Variants in PLS1 observed in about 807,000 individuals in gnomAD.
PLS1 encodes the protein plastin 1.
Under a neutral mutation model 73.7 loss-of-function variants are expected in PLS1, and 32 were observed. The observed-to-expected ratio is 0.43, with a 90% CI of 0.33 to 0.58. The LOEUF (loss-of-function observed/expected upper bound fraction) is 0.58, where lower values mean the gene tolerates loss of function less well. Among genes scored for constraint, PLS1 ranks in the 20% least tolerant of loss-of-function variants. The pLI is 0.04. For missense variants in PLS1, 633 were observed against 740.5 expected (o/e 0.85, Z 1.68); for synonymous variants, 217 against 261.3 (o/e 0.83, Z 1.63).
chr3:142,631,664 GAAAAAAAAAA>G (rs71153981), intron 1 of PLS1, among the ~76,000 whole-genome samples: 4 of 39,450 alleles, frequency 1.0e-4, no homozygotes, highest in Non-Finnish European at 1.4e-4. Context: ...CCTGTCTCTA[GAAAAAAAAAA>G]AAAAAAAAAA....
Position 142,667,427 on chromosome 3 carries a change from C to T in PLS1, c.71-1963C>T, listed in dbSNP as rs969682612. Among the ~76,000 whole-genome samples, 69 of 151,992 alleles carry T rather than the reference C, an allele frequency of 4.5e-4. 1 individual carries two copies. Among genetic ancestry groups the T allele is most frequent in the Non-Finnish European group, 1.0e-4 (7 of 67,972 alleles). ...AGACTCCGACTCAAAAAAAGAATTT[C>T]ATGAGATAAGTCAAGTTCTTATCGC... On this transcript the variant is annotated intron_variant, in intron 2 of 15. Coordinates refer to ENST00000457734, the MANE Select transcript of PLS1 (RefSeq NM_001145319.2).
chr3:142,671,144 G>C, intron 4 of PLS1, 22 bp downstream of exon 4: 2 of 1,598,950 alleles, frequency 1.3e-6, no homozygotes, highest in Non-Finnish European at 1.7e-6. Context: ...CTCCAAATTT[G>C]ATCTTTTAGT....
chr3:142,642,619 T>C (rs2036866051), intron 1 of PLS1, among the ~76,000 whole-genome samples: 1 of 152,224 alleles, frequency 6.6e-6, no homozygotes, highest in Admixed American at 6.5e-5. Flanking sequence ...TCCCAGAACA[T>C]ATTATCCGAT....
At chr3:142,670,949 T>G (rs769529686) in intron 3 of PLS1, 44 bp from the exon 4 acceptor site, 1 of 1,399,174 alleles carries the variant, frequency 7.1e-7, no homozygotes, top group Non-Finnish European at 1.0e-6. Context: ...TGTCAGGTTT[T>G]TATTGATTAT....
At chr3:142,684,975 G>A (rs142034439) in intron 8 of PLS1, among the ~76,000 whole-genome samples, 3 of 152,204 alleles carry the variant, frequency 2.0e-5, no homozygotes, top group East Asian at 1.9e-4. Context: ...TTGCCAAGCC[G>A]GGTCGCTGTG....
At chr3:142,662,102 GAC>G (rs2037384308) in intron 1 of PLS1, among the ~76,000 whole-genome samples, 1 of 152,078 alleles carries the variant, frequency 6.6e-6, no homozygotes, top group African/African-American at 2.4e-5. Flanking sequence ...CTACTATAAA[GAC>G]ACATGCACAC....
At chr3:142,681,269 G>A (rs1332693270) in intron 6 of PLS1, among the ~76,000 whole-genome samples, 3 of 151,924 alleles carry the variant, frequency 2.0e-5, no homozygotes, top group Non-Finnish European at 2.9e-5. Context: ...ATTTCAGATT[G>A]AGTGACCAAA....
intron 4 of PLS1, among the ~76,000 whole-genome samples, chr3:142,673,148 C>A (rs2037643376): frequency 1.3e-5 from 2 of 152,060 alleles, no homozygotes; most frequent in Admixed American, 1.3e-4. Flanking sequence ...TTCAAGGGAT[C>A]CTCCCACCTC....
At chr3:142,647,774 T>G (rs1161645764) in intron 1 of PLS1, among the ~76,000 whole-genome samples, 1 of 152,130 alleles carries the variant, frequency 6.6e-6, no homozygotes, top group East Asian at 1.9e-4. Context: ...TTTCAGCCAA[T>G]TGGTACCTAT....
At chr3:142,633,487 CT>C (rs1205425214) in intron 1 of PLS1, among the ~76,000 whole-genome samples, 4 of 152,028 alleles carry the variant, frequency 2.6e-5, no homozygotes, top group African/African-American at 9.7e-5. Flanking sequence ...GAAACTCTGT[CT>C]CTACTAAAAA....
chr3:142,649,002 G>A (rs986665933), intron 1 of PLS1, among the ~76,000 whole-genome samples: 3 of 152,130 alleles, frequency 2.0e-5, no homozygotes, highest in African/African-American at 7.2e-5. Context: ...CAGATACTAA[G>A]TAAATTGCTT....
At chr3:142,600,899 TATATATATA>T (rs2035905916) in intron 1 of PLS1, among the ~76,000 whole-genome samples, 6 of 31,050 alleles carry the variant, frequency 1.9e-4, no homozygotes, top group African/African-American at 9.4e-4. Flanking sequence ...TATATATATA[TATATATATA>T]TATATATATT....
At position 142,620,308 on chromosome 3, in the gene PLS1, G is replaced by A. The variant is rs146063798; in HGVS notation, c.-37+23799G>A. Among the ~76,000 whole-genome samples, 1,242 of 152,128 alleles carry A rather than the reference G, an allele frequency of 8.2e-3. 13 individuals are homozygous for A. The highest frequency in any genetic ancestry group is 0.029 in the African/African-American group (1,201 of 41,494). On this transcript the variant is annotated intron_variant, in intron 1 of 15. Coordinates refer to ENST00000457734, the MANE Select transcript of PLS1 (RefSeq NM_001145319.2). ...CCTGGCTAATTTTTTTGTATTTGTA[G>A]TACAGACGGGGTTTCACCATGTTGG...
chr3:142,708,777 C>T (rs1210923834), intron 14 of PLS1, among the ~76,000 whole-genome samples: 1 of 152,098 alleles, frequency 6.6e-6, no homozygotes, highest in Admixed American at 6.5e-5. Context: ...CACTATAACC[C>T]CTTTCCCTTT....
intron 12 of PLS1, chr3:142,698,331 T>C (rs2038254807): frequency 3.6e-6 from 1 of 279,168 alleles, no homozygotes; most frequent in Non-Finnish European, 6.7e-6. Context: ...AAATGTATTC[T>C]TTTTTTACAA....
intron 1 of PLS1, among the ~76,000 whole-genome samples, chr3:142,618,776 A>G (rs2036261916): frequency 6.6e-6 from 1 of 152,124 alleles, no homozygotes; most frequent in African/African-American, 2.4e-5. Context: ...GCCAGCAGAG[A>G]AAGGTTCTCT....
chr3:142,596,504 C>G lies in PLS1; in HGVS notation c.-42C>G, dbSNP rs2035817941. The G allele has an allele frequency of 6.6e-6, 1 of 152,612 alleles. No homozygotes were observed. The highest frequency in any genetic ancestry group is 1.5e-5 in the Non-Finnish European group (1 of 68,412). The allele number at this position is 152,612 out of a possible 1,614,324, so 9.5% of individuals were successfully genotyped here. A position where few individuals can be genotyped will look rare whatever the true frequency, so the allele number is the denominator to read the frequency against. ...CCTCTCGAAGGCAGGACAGCGGTGG[C>G]GGCAGGTACGCGGGGGTGGGGATAG... On this transcript the variant is annotated 5_prime_UTR_variant, in exon 1 of 16. Coordinates refer to ENST00000457734, the MANE Select transcript of PLS1 (RefSeq NM_001145319.2).
At chr3:142,704,427 C>A in intron 13 of PLS1, 36 bp from the exon 14 acceptor site, 2 of 1,552,354 alleles carry the variant, frequency 1.3e-6, no homozygotes, top group Non-Finnish European at 1.8e-6. Flanking sequence ...AAATTTCACC[C>A]TTTTCAGTCT....
intron 12 of PLS1, among the ~76,000 whole-genome samples, chr3:142,703,600 T>G (rs987112566): frequency 6.6e-6 from 1 of 152,156 alleles, no homozygotes; most frequent in African/African-American, 2.4e-5. Context: ...CCGGCCTGGA[T>G]AGTCAAGATT....
Sources: gnomAD v4.1 joint callset for allele counts (sites outside exome capture counted in the v4.1 genomes callset) on GRCh38, gnomAD v4.1.1 for gene constraint, MANE v1.5 for transcripts, NCBI Gene and HGNC (gene_info 2026-07-23, HGNC 2026-07-21) for gene names.